OXR1: variants seen among roughly 807,000 people sequenced by gnomAD.
OXR1 encodes oxidation resistance 1.
Under a neutral mutation model 104.6 loss-of-function variants are expected in OXR1, and 41 were observed. That is an observed-to-expected ratio of 0.39 (90% CI 0.31 to 0.51). The LOEUF (loss-of-function observed/expected upper bound fraction) is 0.51, where lower values mean the gene tolerates loss of function less well. Among genes scored for constraint, OXR1 ranks in the 20% least tolerant of loss-of-function variants. The probability of loss-of-function intolerance (pLI) is 0.77; values close to 1 mark genes in which losing one functional copy is unlikely to be tolerated. For missense variants in OXR1, 955 were observed against 1,031.9 expected (o/e 0.93, Z 1.02); for synonymous variants, 348 against 348.4 (o/e 1.00, Z 0.01).
chr8:106,380,063 G>C (rs755120192), intron 2 of OXR1, among the ~76,000 whole-genome samples: 11 of 151,950 alleles, frequency 7.2e-5, no homozygotes, highest in Non-Finnish European at 1.6e-4. Context: ...ACCCTAAAAA[G>C]AAATACTGAA....
intron 11 of OXR1, chr8:106,729,854 C>T (rs1422871812): frequency 6.6e-6 from 1 of 152,110 alleles, no homozygotes; most frequent in African/African-American, 2.4e-5. Context: ...AGCTGTAACA[C>T]TGACTCAGTA....
In OXR1 at chr8:106,632,609, C is replaced by CT. The variant is rs529053420; in HGVS notation, c.221-46592dup. 8.4e-4 allele frequency among the ~76,000 whole-genome samples: 127 copies of CT among 151,680 alleles called. 1 individual carries two copies. The South Asian group carries it at 0.021, about 25-fold the overall frequency. Reference sequence around the variant, plus strand: ...AAAGAGGGGAACACTTTATATACCTCTTTTTTTTTATTTCAATTGTTTCTG... The same window carrying CT: ...AAAGAGGGGAACACTTTATATACCTCTTTTTTTTTTATTTCAATTGTTTCTG... On this transcript the variant is annotated intron_variant, in intron 3 of 16. Transcript: ENST00000517566.
chr8:106,751,168 CA>C lies in OXR1; in HGVS notation c.*228del, dbSNP rs1835864152. 1 of 336,694 alleles carries C rather than the reference CA, an allele frequency of 3.0e-6. No homozygotes were observed. The highest frequency in any genetic ancestry group is 2.1e-5 in the African/African-American group (1 of 47,274). The allele number at this position is 336,694 out of a possible 1,614,324, so 20.9% of individuals were successfully genotyped here. On this transcript the variant is annotated 3_prime_UTR_variant, in exon 17 of 17. Transcript: ENST00000517566. Reference sequence around the variant, plus strand: ...GGACTGCGTCCATGTACTAGTATAACAGCTTGGGTTTGTTAGAATTTGGGCA... The same window carrying C: ...GGACTGCGTCCATGTACTAGTATAACGCTTGGGTTTGTTAGAATTTGGGCA...
intron 2 of OXR1, among the ~76,000 whole-genome samples, chr8:106,420,597 A>G (rs1179012892): frequency 4.0e-5 from 6 of 150,670 alleles, no homozygotes; most frequent in Non-Finnish European, 7.4e-5. Context: ...TTAAATATAT[A>G]ATATATAATA....
chr8:106,659,594 C>T (rs1354576690), intron 3 of OXR1, among the ~76,000 whole-genome samples: 1 of 152,196 alleles, frequency 6.6e-6, no homozygotes, highest in Non-Finnish European at 1.5e-5. Flanking sequence ...TAATTGAAAA[C>T]AGTTGATGTG....
intron 3 of OXR1, among the ~76,000 whole-genome samples, chr8:106,536,515 A>T (rs577150754): frequency 1.3e-5 from 2 of 152,316 alleles, no homozygotes; most frequent in African/African-American, 4.8e-5. Flanking sequence ...GGAAATTGCT[A>T]AAGGACATGT....
chr8:106,319,157 G>A (rs1460433060), intron 1 of OXR1, among the ~76,000 whole-genome samples: 1 of 152,158 alleles, frequency 6.6e-6, no homozygotes, highest in African/African-American at 2.4e-5. Context: ...ATTGCTTCAT[G>A]GGTTCTTATT....
At chr8:106,316,342 A>G (rs1428223439) in intron 1 of OXR1, among the ~76,000 whole-genome samples, 1 of 152,180 alleles carries the variant, frequency 6.6e-6, no homozygotes, top group African/African-American at 2.4e-5. Flanking sequence ...CAGTCTGAAG[A>G]ATGATGACAT....
chr8:106,514,108 A>C (rs967100036), intron 2 of OXR1, among the ~76,000 whole-genome samples: 1 of 152,174 alleles, frequency 6.6e-6, no homozygotes, highest in Admixed American at 6.5e-5. Context: ...TGCAAAGCAC[A>C]TTCAACAAAG....
chr8:106,372,411 T>C (rs1183944187), intron 2 of OXR1, among the ~76,000 whole-genome samples: 1 of 152,030 alleles, frequency 6.6e-6, no homozygotes, highest in Non-Finnish European at 1.5e-5. Context: ...TATTATGTTT[T>C]TTTTTTTTCG....
At chr8:106,437,315 A>G (rs7828307) in intron 2 of OXR1, among the ~76,000 whole-genome samples, 34,388 of 152,040 alleles carry the variant, frequency 0.23, 5,406 homozygotes, top group African/African-American at 0.42. Flanking sequence ...GTAAGAAAAT[A>G]TAATGATTTC....
In OXR1 at chr8:106,739,571, T is replaced by C; in HGVS notation, c.2151T>C (p.Asp717=). 1 of 1,613,226 alleles carries C rather than the reference T, an allele frequency of 6.2e-7. No homozygotes were observed. Among genetic ancestry groups the C allele is most frequent in the Non-Finnish European group, 8.5e-7 (1 of 1,179,636 alleles). ...LSDPSELLLP[D]QIEKLTKHLP... is the part of the protein sequence containing the mutation. ...ATCCCAGTGAACTTTTACTGCCAGATCAAATTGAAAAGGTATGACATGCTC... is the reference window on the plus strand; with the variant it reads ...ATCCCAGTGAACTTTTACTGCCAGACCAAATTGAAAAGGTATGACATGCTC... Residue 717 remains aspartate, a synonymous_variant, in exon 13 of 17, where the codon GAT becomes GAC. Coordinates refer to ENST00000517566, the MANE Select transcript of OXR1 (RefSeq NM_001198533.2).
chr8:106,657,850 C>T (rs1408766987), intron 3 of OXR1: 19 of 1,239,588 alleles, frequency 1.5e-5, no homozygotes, highest in East Asian at 3.2e-5. Context: ...CCCTCCTCCT[C>T]CCCGCCTCTT....
chr8:106,684,387 C>T (rs757788659), intron 6 of OXR1, 28 bp downstream of exon 6: 16 of 1,087,024 alleles, frequency 1.5e-5, no homozygotes, highest in South Asian at 1.4e-4. Flanking sequence ...GCAAAGATGG[C>T]GATGAAGAAA....
At chr8:106,613,952 C>G (rs1465273863) in intron 3 of OXR1, among the ~76,000 whole-genome samples, 1 of 152,068 alleles carries the variant, frequency 6.6e-6, no homozygotes, top group Non-Finnish European at 1.5e-5. Context: ...GTTTCCCCAT[C>G]TGGCACTTCT....
At chr8:106,586,809 G>A (rs1407219252) in intron 3 of OXR1, among the ~76,000 whole-genome samples, 6 of 152,152 alleles carry the variant, frequency 3.9e-5, no homozygotes, top group Admixed American at 3.9e-4. Flanking sequence ...AGAGATAAAT[G>A]TGTTGAATGA....
chr8:106,671,963 TATA>T (rs200351866), intron 3 of OXR1, among the ~76,000 whole-genome samples: 7,822 of 136,336 alleles, frequency 0.057, 352 homozygotes, highest in African/African-American at 0.13. Context: ...GAACTTAAAG[TATA>T]ATAATAATAA....
intron 2 of OXR1, among the ~76,000 whole-genome samples, chr8:106,465,721 C>G (rs1821139370): frequency 6.6e-6 from 1 of 151,930 alleles, no homozygotes; most frequent in African/African-American, 2.4e-5. Flanking sequence ...AACTAGAAGA[C>G]TAGAGCTGTC....
intron 3 of OXR1, among the ~76,000 whole-genome samples, chr8:106,630,362 G>A (rs1418673866): frequency 3.9e-5 from 6 of 152,076 alleles, no homozygotes; most frequent in East Asian, 3.9e-4. Flanking sequence ...CTCTAACTTC[G>A]CCATTTTTCA....
Sources: gnomAD v4.1 joint callset for allele counts (sites outside exome capture counted in the v4.1 genomes callset) on GRCh38, gnomAD v4.1.1 for gene constraint, MANE v1.5 for transcripts, NCBI Gene and HGNC (gene_info 2026-07-23, HGNC 2026-07-21) for gene names.